NOL4: variants seen among roughly 807,000 people sequenced by gnomAD.
The protein encoded by NOL4 is cancer/testis antigen 125.
In NOL4, 17 loss-of-function variants were observed where a neutral mutation model predicts 75.9. The ratio of observed to expected loss-of-function variants is 0.22; its 90% CI spans 0.15 to 0.34. The LOEUF (loss-of-function observed/expected upper bound fraction) is 0.34, where lower values mean the gene tolerates loss of function less well. Among genes scored for constraint, NOL4 ranks in the 10% least tolerant of loss-of-function variants. NOL4 has a pLI of 1.00. For missense variants in NOL4, 614 were observed against 793.5 expected, an observed-to-expected ratio of 0.77 and a Z score of 2.72; for synonymous variants, 292 against 289.9, an observed-to-expected ratio of 1.01 and a Z score of -0.07.
At chr18:34,023,213 G>A (rs946770581) in intron 5 of NOL4, among the ~76,000 whole-genome samples, 1 of 152,104 alleles carries the variant, frequency 6.6e-6, no homozygotes, top group African/African-American at 2.4e-5. Context: ...CAAAGTTTTT[G>A]ATGTCTTTAT....
At chr18:33,950,758 T>C (rs908456740) in intron 8 of NOL4, among the ~76,000 whole-genome samples, 2 of 152,086 alleles carry the variant, frequency 1.3e-5, no homozygotes, top group African/African-American at 4.8e-5. Flanking sequence ...GCAGTGAGGA[T>C]TAAATAGACA....
intron 6 of NOL4, among the ~76,000 whole-genome samples, chr18:33,993,332 G>T (rs1261721615): frequency 6.6e-6 from 1 of 151,894 alleles, no homozygotes; most frequent in Non-Finnish European, 1.5e-5. Flanking sequence ...TGTCATCCAG[G>T]GTGAGTGTGG....
At chr18:33,867,829 G>A (rs2063505821) in intron 10 of NOL4, among the ~76,000 whole-genome samples, 2 of 152,056 alleles carry the variant, frequency 1.3e-5, no homozygotes, top group African/African-American at 4.8e-5. Flanking sequence ...CTGACTCTTA[G>A]TCCAAGATCC....
chr18:34,000,030 T>C (rs958456441), intron 6 of NOL4, among the ~76,000 whole-genome samples: 2 of 152,116 alleles, frequency 1.3e-5, no homozygotes, highest in Non-Finnish European at 2.9e-5. Flanking sequence ...CTAGCAAGTA[T>C]TTGCAACTAA....
intron 2 of NOL4, among the ~76,000 whole-genome samples, chr18:34,121,631 T>C (rs1011734681): frequency 1.3e-5 from 2 of 152,166 alleles, no homozygotes; most frequent in Admixed American, 6.6e-5. Flanking sequence ...GCAGAGTCTG[T>C]GAGATGACGA....
chr18:34,020,435 T>C (rs930894537), intron 5 of NOL4, among the ~76,000 whole-genome samples: 2 of 152,196 alleles, frequency 1.3e-5, no homozygotes, highest in Non-Finnish European at 2.9e-5. Context: ...GCTGAATGAC[T>C]GTTTAAGATG....
chr18:34,139,251 G>A (rs1208118804), intron 1 of NOL4, among the ~76,000 whole-genome samples: 1 of 152,158 alleles, frequency 6.6e-6, no homozygotes, highest in Non-Finnish European at 1.5e-5. Flanking sequence ...CAGAAGGAAT[G>A]GTACCAGCTC....
At chr18:34,051,372 T>C (rs2076618049) in intron 5 of NOL4, among the ~76,000 whole-genome samples, 1 of 152,130 alleles carries the variant, frequency 6.6e-6, no homozygotes, top group South Asian at 2.1e-4. Flanking sequence ...TAAAATTCAA[T>C]AAATAAATAT....
chr18:33,957,537 AGAG>A lies in NOL4; in HGVS notation c.1237-23_1237-21del, dbSNP rs1279687067. 6.2e-7 allele frequency: 1 copy of A among 1,603,706 alleles called. No homozygotes were observed. The highest frequency in any genetic ancestry group is 1.3e-5 in the African/African-American group (1 of 74,652). On this transcript the variant is annotated intron_variant, in intron 7 of 10. Transcript: ENST00000261592. ...AAACATCTGTTGGCAAGAGGGAGAC[AGAG>A]GAGAAGGGTTTGGAGGGCTGCTCTC...
chr18:34,106,357 A>T (rs1024319091), intron 2 of NOL4, among the ~76,000 whole-genome samples: 1 of 152,196 alleles, frequency 6.6e-6, no homozygotes, highest in South Asian at 2.1e-4. Flanking sequence ...ATTTAATATT[A>T]AAATCAGTTT....
intron 10 of NOL4, among the ~76,000 whole-genome samples, 193 bp from the exon 11 acceptor site, chr18:33,853,228 C>T (rs115819294): frequency 0.012 from 1,817 of 152,142 alleles, 31 homozygotes; most frequent in African/African-American, 0.042. Context: ...GGCTTCTCTT[C>T]GGTCTTCTCT....
intron 6 of NOL4, among the ~76,000 whole-genome samples, chr18:33,971,657 G>C (rs1024724662): frequency 6.6e-6 from 1 of 152,156 alleles, no homozygotes; most frequent in African/African-American, 2.4e-5. Flanking sequence ...CTAGTGCTCA[G>C]TCTTAAAGTA....
chr18:34,065,212 T>A (rs1048686273), intron 5 of NOL4, among the ~76,000 whole-genome samples: 1 of 151,910 alleles, frequency 6.6e-6, no homozygotes, highest in African/African-American at 2.4e-5. Context: ...TACACACATA[T>A]AATTTAGTTT....
chr18:33,933,409 G>A (rs2067834675), intron 9 of NOL4, among the ~76,000 whole-genome samples: 1 of 152,068 alleles, frequency 6.6e-6, no homozygotes, highest in African/African-American at 2.4e-5. Context: ...ACAAGAATGA[G>A]GCTTGCCACA....
chr18:34,222,180 G>A (rs1245021367), intron 1 of NOL4: 15 of 1,472,616 alleles, frequency 1.0e-5, no homozygotes, highest in Non-Finnish European at 1.1e-5. Context: ...CAATGCCAGT[G>A]CCTCGCGGCG....
intron 5 of NOL4, among the ~76,000 whole-genome samples, chr18:34,031,542 G>C (rs1037831057): frequency 2.6e-5 from 4 of 152,142 alleles, no homozygotes; most frequent in Non-Finnish European, 5.9e-5. Flanking sequence ...AATTTGTAGA[G>C]GAGCTTCAAG....
chr18:33,875,542 A>G (rs562858684), intron 10 of NOL4, among the ~76,000 whole-genome samples: 54 of 152,114 alleles, frequency 3.5e-4, no homozygotes, highest in Middle Eastern at 3.4e-3. Context: ...ACAGGAGTTT[A>G]TAAAACTCTA....
At chr18:34,221,147 G>C (rs1311961089) in intron 1 of NOL4, 21 of 152,068 alleles carry the variant, frequency 1.4e-4, no homozygotes, top group Admixed American at 1.3e-3. Context: ...CAATATCCAC[G>C]TGAAGCTATC....
At chr18:34,088,984 T>C (rs1002879145) in intron 5 of NOL4, among the ~76,000 whole-genome samples, 20 of 152,118 alleles carry the variant, frequency 1.3e-4, no homozygotes, top group African/African-American at 4.1e-4. Flanking sequence ...TTTTCTTCTT[T>C]TTCACCTTTT....
Sources: allele counts gnomAD v4.1 joint callset (sites outside exome capture counted in the v4.1 genomes callset), GRCh38; gene constraint gnomAD v4.1.1; transcripts MANE v1.5; gene names NCBI Gene and HGNC (gene_info 2026-07-23, HGNC 2026-07-21).